PTPN23: variants seen among roughly 807,000 people sequenced by gnomAD.
PTPN23 encodes the protein protein tyrosine phosphatase non-receptor type 23.
PTPN23 carries 72 observed loss-of-function variants against 156.3 expected under a neutral mutation model. The observed-to-expected ratio is 0.46, with a 90% CI of 0.38 to 0.56. The LOEUF (loss-of-function observed/expected upper bound fraction) is 0.56. PTPN23 is among the 20% of genes least tolerant of loss of function. The pLI is 0.00. For synonymous variants in PTPN23, 957 were observed against 899.6 expected (o/e 1.06, Z -1.14); for missense variants, 1,974 against 2,171.5 (o/e 0.91, Z 1.81).
chr3:47,412,353 G>A lies in PTPN23; in HGVS notation c.4249G>A (p.Gly1417Arg), dbSNP rs773663848. 6.8e-6 allele frequency: 11 copies of A among 1,613,166 alleles called. No homozygotes were observed. The highest frequency in any genetic ancestry group is 6.7e-5 in the East Asian group (3 of 44,900). ...TGTGCAGGAGGTGGAGGCTGGGAAC[G>A]GAATCCCTGAGCTGCCTCAGCTGGT... is the stretch of plus-strand genomic sequence containing the variant. ...AAVQEVEAGNGIPELPQLVRR... is the reference protein window; with the variant it reads ...AAVQEVEAGNRIPELPQLVRR... The change falls in exon 23 of 25, where the codon GGA becomes AGA. Residue 1417 changes from glycine to arginine, a missense_variant. By Grantham distance (125) the Gly-to-Arg change is moderately radical. Transcript: ENST00000265562.
Position 47,407,883 on chromosome 3 carries a change from T to C in PTPN23, c.1119-7T>C. On this transcript the variant is annotated splice_region_variant and splice_polypyrimidine_tract_variant and intron_variant, in intron 13 of 24. Transcript: ENST00000265562. The surrounding 1 kb of genome is among the most constrained non-coding windows in gnomAD (Gnocchi z 4.0). Reference sequence around the variant, plus strand: ...GGTCTTCAGCAAATGCTCTGTCGCTTCTGCAGTGAGGAGAAGGCCAAGCTG... The same window carrying C: ...GGTCTTCAGCAAATGCTCTGTCGCTCCTGCAGTGAGGAGAAGGCCAAGCTG... 1 of 1,614,088 alleles carries C rather than the reference T, an allele frequency of 6.2e-7. No homozygotes were observed. Among genetic ancestry groups the C allele is most frequent in the South Asian group, 1.1e-5 (1 of 91,086 alleles).
Position 47,408,424 on chromosome 3 carries a change from A to G in PTPN23, c.1264A>G (p.Met422Val), listed in dbSNP as rs1481927295. The G allele has an allele frequency of 4.3e-6, 7 of 1,612,098 alleles. No homozygotes were observed. Among genetic ancestry groups the G allele is most frequent in the Non-Finnish European group, 5.9e-6 (7 of 1,178,158 alleles). The part of the protein sequence containing the change: ...DAYSHIPPQL[M>V]EKCAALSVRP... ...CTACAGCCACATCCCACCCCAGCTC[A>G]TGGAGAAGTGCGCGGCTCTCAGCGT... The change falls in exon 15 of 25, where the codon ATG becomes GTG. Residue 422 changes from methionine (M) to valine (V), a missense_variant. Physicochemically the swap from Met to Val is conservative, Grantham distance 21. This residue lies in a region of PTPN23 where 726 missense variants were observed against 929.5 expected (regional missense o/e 0.78). Coordinates refer to ENST00000265562, the MANE Select transcript of PTPN23 (RefSeq NM_015466.4).
At chr3:47,395,313 T>C (rs1353396082) in intron 1 of PTPN23, among the ~76,000 whole-genome samples, 1 of 152,180 alleles carries the variant, frequency 6.6e-6, no homozygotes, top group Non-Finnish European at 1.5e-5. Context: ...GTGAGGTGGG[T>C]ATCAGTGCTC....
At position 47,409,963 on chromosome 3, in the gene PTPN23, C is replaced by A; in HGVS notation, c.2165C>A (p.Ala722Asp). The stretch of plus-strand genomic sequence containing the variant: ...AAGAAGCCGCCGCCACGGCCCACAG[C>A]CCCAAAGCCGCTGCTGCCCCGCAGG... ...LKKKPPPRPT[A>D]PKPLLPRREE... The change falls in exon 20 of 25, where the codon GCC (alanine) becomes GAC (aspartate). Residue 722 changes from alanine (A) to aspartate (D), a missense_variant. By Grantham distance (126) the Ala-to-Asp change is moderately radical. This residue lies in a region of PTPN23 where 731 missense variants were observed against 669.1 expected (regional missense o/e 1.09). Coordinates refer to ENST00000265562, the MANE Select transcript of PTPN23 (RefSeq NM_015466.4). 6.3e-7 allele frequency: 1 copy of A among 1,578,244 alleles called. No individual in the cohort carries two copies. Among genetic ancestry groups the A allele is most frequent in the Non-Finnish European group, 8.6e-7 (1 of 1,164,738 alleles).
chr3:47,406,334 C>G lies in PTPN23; in HGVS notation c.556C>G (p.Gln186Glu). ...TCACGTGTCGCCCCAGGGCCAGGCT[C>G]AGGAGTGCCTCCTGGAGAAGTCGAT... The part of the protein sequence containing the change: ...LNVNLMLGQA[Q>E]ECLLEKSMLD... The change falls in exon 7 of 25, where the codon CAG becomes GAG. Residue 186 changes from glutamine to glutamate, a missense_variant. Physicochemically the swap from Gln to Glu is conservative, Grantham distance 29. Around this residue, in one of 4 missense-constraint regions of PTPN23, gnomAD observed 726 missense variants for 929.5 expected, o/e 0.78. Coordinates refer to ENST00000265562, the MANE Select transcript of PTPN23 (RefSeq NM_015466.4). This position sits in a 1 kb window ranked among gnomAD's most constrained non-coding sequence, Gnocchi z 5.8. 6.2e-7 allele frequency: 1 copy of G among 1,613,614 alleles called. No individual in the cohort carries two copies. The highest frequency in any genetic ancestry group is 2.2e-5 in the East Asian group (1 of 44,878).
In PTPN23 at chr3:47,407,493, C is replaced by G. The variant is rs745443697; in HGVS notation, c.924-12C>G. On this transcript the variant is annotated splice_polypyrimidine_tract_variant and intron_variant, in intron 11 of 24. Transcript: ENST00000265562. The surrounding 1 kb of genome is among the most constrained non-coding windows in gnomAD (Gnocchi z 4.0). Reference sequence around the variant, plus strand: ...CCCGTGACTGCCCACTCCCCCTGCTCCTGATCCCCAGGTACAATTCTGCCA... The same window carrying G: ...CCCGTGACTGCCCACTCCCCCTGCTGCTGATCCCCAGGTACAATTCTGCCA... The G allele has an allele frequency of 6.2e-7, 1 of 1,613,626 alleles. No individual in the cohort carries two copies. Among genetic ancestry groups the G allele is most frequent in the Admixed American group, 1.7e-5 (1 of 60,028 alleles).
rs775019700 is a variant in PTPN23 at position 47,406,282 on chromosome 3, G to A, written c.547-43G>A. ...AGGATAAAGGGAAGGGGAAGCGGGA[G>A]GCCTTGGGTGAGCGAGGGAGTGCAC... is the stretch of plus-strand genomic sequence containing the variant. On this transcript the variant is annotated intron_variant, in intron 6 of 24. Transcript: ENST00000265562. The surrounding 1 kb of genome is among the most constrained non-coding windows in gnomAD (Gnocchi z 5.8). 6.2e-7 allele frequency: 1 copy of A among 1,605,802 alleles called. No homozygotes were observed. Among genetic ancestry groups the A allele is most frequent in the Admixed American group, 1.7e-5 (1 of 59,888 alleles).
In PTPN23 at chr3:47,412,893, T is replaced by C. The variant is rs1705358364; in HGVS notation, c.4619T>C (p.Ile1540Thr). Residue 1540 changes from isoleucine to threonine, a missense_variant, in exon 25 of 25, where the codon ATC becomes ACC. Transcript: ENST00000265562. ...GCCAGCCTCCCAGAGTCTACCCCAATCCCATCTTCCTCCCCGCCCCCCCTT... is the reference window on the plus strand; with the variant it reads ...GCCAGCCTCCCAGAGTCTACCCCAACCCCATCTTCCTCCCCGCCCCCCCTT... ...PPASLPESTPIPSSSPPPLSS... is the reference protein window; with the variant it reads ...PPASLPESTPTPSSSPPPLSS... The C allele has an allele frequency of 1.2e-6, 2 of 1,607,766 alleles. No homozygotes were observed. Among genetic ancestry groups the C allele is most frequent in the Admixed American group, 1.7e-5 (1 of 59,680 alleles).
Position 47,409,317 on chromosome 3 carries a change from G to A in PTPN23, c.1797G>A (p.Lys599=). 5 of 1,613,986 alleles carry A rather than the reference G, an allele frequency of 3.1e-6. No homozygotes were observed. Among genetic ancestry groups the A allele is most frequent in the Non-Finnish European group, 3.4e-6 (4 of 1,179,970 alleles). The stretch of plus-strand genomic sequence containing the variant: ...TCACCACAGACCACTCAGAGATGAA[G>A]GTGGGCTGGGTGAGCAGGGTAGAGG... ...SLVTTDHSEM[K]KLFEEQLKKY... is the part of the protein sequence containing the mutation. Residue 599 remains lysine, a splice_region_variant and synonymous_variant, in exon 17 of 25, where the codon AAG becomes AAA. Coordinates refer to ENST00000265562, the MANE Select transcript of PTPN23 (RefSeq NM_015466.4).
At chr3:47,381,466 C>G (rs545320234) in intron 1 of PTPN23, among the ~76,000 whole-genome samples, 3 of 152,316 alleles carry the variant, frequency 2.0e-5, no homozygotes, top group African/African-American at 7.2e-5. Flanking sequence ...AGCACACTTC[C>G]TCCTTCTGAC....
rs577012275 is a variant in PTPN23, at chr3:47,412,765, C to T, written c.4491C>T (p.Ser1497=). Residue 1497 remains serine (S), a synonymous_variant, in exon 25 of 25, where the codon TCC becomes TCT. Coordinates refer to ENST00000265562, the MANE Select transcript of PTPN23 (RefSeq NM_015466.4). ...TCGGTGGGGATGTGCCCATCAGCTC[C>T]ATCCAGGCCACCATTGCCAAGCTCA... ...LVLGGDVPIS[S]IQATIAKLSI... The T allele has an allele frequency of 1.9e-6, 3 of 1,611,900 alleles. No homozygotes were observed. Among genetic ancestry groups the T allele is most frequent in the South Asian group, 1.1e-5 (1 of 90,868 alleles).
In PTPN23 at chr3:47,389,870, C is replaced by T. The variant is rs553853452; in HGVS notation, c.85-6273C>T. Among the ~76,000 whole-genome samples the T allele has an allele frequency of 1.4e-3, 199 of 137,592 alleles. 1 individual carries two copies. Among genetic ancestry groups the T allele is most frequent in the African/African-American group, 5.2e-3 (185 of 35,858 alleles). The allele number at this position is 137,592 out of a possible 152,430, so 90.3% of individuals were successfully genotyped here. ...AAAAAAAAAAAAAAAAAAAGGAGTT[C>T]GAGATCAGCCTAGCCAACATGGCAA... On this transcript the variant is annotated intron_variant, in intron 1 of 24. Transcript: ENST00000265562.
chr3:47,411,250 G>C lies in PTPN23; in HGVS notation c.3452G>C (p.Gly1151Ala). 6.2e-7 allele frequency: 1 copy of C among 1,608,630 alleles called. No individual in the cohort carries two copies. Among genetic ancestry groups the C allele is most frequent in the Non-Finnish European group, 8.5e-7 (1 of 1,179,710 alleles). Residue 1151 changes from glycine to alanine, a missense_variant, in exon 20 of 25, where the codon GGT becomes GCT. Physicochemically the swap from Gly to Ala is moderately conservative, Grantham distance 60. Coordinates refer to ENST00000265562, the MANE Select transcript of PTPN23 (RefSeq NM_015466.4). The surrounding 1 kb of genome is among the most constrained non-coding windows in gnomAD (Gnocchi z 6.3). ...LQPTKVDAAE[G>A]RRPQALRLIE... ...CCCACCAAGGTGGATGCAGCTGAGGGTCGTCGGCCGCAGGCCCTGCGGCTG... is the reference window on the plus strand; with the variant it reads ...CCCACCAAGGTGGATGCAGCTGAGGCTCGTCGGCCGCAGGCCCTGCGGCTG...
Position 47,406,336 on chromosome 3 carries a change from G to A in PTPN23, c.558G>A (p.Gln186=). The part of the protein sequence containing the change: ...LNVNLMLGQA[Q]ECLLEKSMLD... ...ACGTGTCGCCCCAGGGCCAGGCTCA[G>A]GAGTGCCTCCTGGAGAAGTCGATGT... Residue 186 remains glutamine, a synonymous_variant, in exon 7 of 25, where the codon CAG becomes CAA. Transcript: ENST00000265562. This position sits in a 1 kb window ranked among gnomAD's most constrained non-coding sequence, Gnocchi z 5.8. The A allele has an allele frequency of 1.9e-6, 3 of 1,613,746 alleles. No homozygotes were observed. The highest frequency in any genetic ancestry group is 2.5e-6 in the Non-Finnish European group (3 of 1,180,020).
chr3:47,382,893 T>A (rs552660920), intron 1 of PTPN23, among the ~76,000 whole-genome samples: 6 of 151,494 alleles, frequency 4.0e-5, no homozygotes, highest in Non-Finnish European at 7.4e-5. Flanking sequence ...TTTCATCGTG[T>A]TAGCCAGGAT....
intron 1 of PTPN23, 71 bp downstream of exon 1, chr3:47,381,251 C>T: frequency 6.5e-7 from 1 of 1,537,602 alleles, no homozygotes. Flanking sequence ...TGACGCCCCC[C>T]TGCGCGCCCA....
rs1705289577 is a variant in PTPN23, at chr3:47,411,527, C to T, written c.3729C>T (p.Tyr1243=). ...TGCTGCGCTCAGGCAAGGATGACTA[C>T]ATCAATGCCAGCTGCGTGGAGGGGC... ...RVVLRSGKDD[Y]INASCVEGLS... is the part of the protein sequence containing the mutation. The change falls in exon 20 of 25, where the codon TAC becomes TAT. Residue 1243 remains tyrosine, a synonymous_variant. Transcript: ENST00000265562. This position sits in a 1 kb window ranked among gnomAD's most constrained non-coding sequence, Gnocchi z 6.3. 2.5e-6 allele frequency: 4 copies of T among 1,612,858 alleles called. No homozygotes were observed. In the African/African-American group the frequency reaches 4.0e-5, roughly 16 times the overall value.
rs758932498 is a variant in PTPN23, at chr3:47,408,764, C to A, written c.1331-12C>A. 6.3e-7 allele frequency: 1 copy of A among 1,575,316 alleles called. No individual in the cohort carries two copies. The highest frequency in any genetic ancestry group is 1.2e-5 in the South Asian group (1 of 83,252). On this transcript the variant is annotated splice_polypyrimidine_tract_variant and intron_variant, in intron 15 of 24. Transcript: ENST00000265562. ...CTGCCTCAGGGGCTGCCTGTACAAT[C>A]CACAACCCCAGTGCTGTCAGGTGTG...
rs1705149308 is a variant in PTPN23 at position 47,407,245 on chromosome 3, AG to A, written c.865-59del. On this transcript the variant is annotated intron_variant, in intron 10 of 24. Coordinates refer to ENST00000265562, the MANE Select transcript of PTPN23 (RefSeq NM_015466.4). This position sits in a 1 kb window ranked among gnomAD's most constrained non-coding sequence, Gnocchi z 4.0. ...TATAGGAGCAAGCCCGGTAGGACTGAGGGGGTGTCCTGGTGCCAGCCTTGGT... is the reference window on the plus strand; with the variant it reads ...TATAGGAGCAAGCCCGGTAGGACTGAGGGGTGTCCTGGTGCCAGCCTTGGT... 2 of 1,613,458 alleles carry A rather than the reference AG, an allele frequency of 1.2e-6. No individual in the cohort carries two copies. The highest frequency in any genetic ancestry group is 3.3e-5 in the Admixed American group (2 of 59,996).
Sources: allele counts gnomAD v4.1 joint callset (sites outside exome capture counted in the v4.1 genomes callset), GRCh38; gene constraint gnomAD v4.1.1; regional missense constraint gnomAD v4.1.1; non-coding constraint Gnocchi (gnomAD v3.1); transcripts MANE v1.5; gene names NCBI Gene and HGNC (gene_info 2026-07-23, HGNC 2026-07-21).